The following KCND2 variants were observed in gnomAD, a reference collection of about 807,000 sequenced individuals.
KCND2 encodes the protein potassium voltage-gated channel subfamily D member 2.
In KCND2, 16 loss-of-function variants were observed where a neutral mutation model predicts 54.4. The ratio of observed to expected loss-of-function variants is 0.29; its 90% confidence interval spans 0.20 to 0.45. KCND2 has a LOEUF of 0.45. KCND2 is among the 20% of genes least tolerant of loss of function. KCND2 has a pLI of 1.00. For synonymous variants in KCND2, 317 were observed against 310.7 expected (o/e 1.02, Z -0.21); for missense variants, 486 against 824.2 (o/e 0.59, Z 5.02).
rs1245637804 is a variant in KCND2 at position 120,275,599 on chromosome 7, G to C, written c.967G>C (p.Glu323Gln). 1 of 1,613,058 alleles carries C rather than the reference G, an allele frequency of 6.2e-7. No homozygotes were observed. Among genetic ancestry groups the C allele is most frequent in the South Asian group, 1.1e-5 (1 of 91,066 alleles). ...LGYTLKSCAS[E>Q]LGFLLFSLTM... is the part of the protein sequence containing the mutation. ...GTACACACTGAAGAGTTGTGCCTCAGAATTGGGCTTCTTGCTTTTCTCGCT... is the reference window on the plus strand; with the variant it reads ...GTACACACTGAAGAGTTGTGCCTCACAATTGGGCTTCTTGCTTTTCTCGCT... Residue 323 changes from glutamate (E) to glutamine (Q), a missense_variant, in exon 1 of 6, where the codon GAA becomes CAA. This residue lies in a region of KCND2 where 12 missense variants were observed against 67.0 expected (regional missense o/e 0.18). Coordinates refer to ENST00000331113, the MANE Select transcript of KCND2 (RefSeq NM_012281.3).
At chr7:120,517,253 G>C (rs1584810188) in intron 1 of KCND2, among the ~76,000 whole-genome samples, 1 of 151,954 alleles carries the variant, frequency 6.6e-6, no homozygotes, top group African/African-American at 2.4e-5. Context: ...AGTTAAAACT[G>C]ATGAGAGTCA....
At chr7:120,307,042 G>A (rs1288609668) in intron 1 of KCND2, among the ~76,000 whole-genome samples, 2 of 152,012 alleles carry the variant, frequency 1.3e-5, no homozygotes, top group Non-Finnish European at 2.9e-5. Flanking sequence ...TTTGATTAAT[G>A]TAAAAGTTTA....
intron 1 of KCND2, among the ~76,000 whole-genome samples, chr7:120,276,302 G>T (rs1799173387): frequency 1.3e-5 from 2 of 152,064 alleles, no homozygotes; most frequent in Admixed American, 1.3e-4. Context: ...ATATTCATAT[G>T]TATGCACTTT....
At chr7:120,697,002 A>G (rs1792340594) in intron 1 of KCND2, among the ~76,000 whole-genome samples, 2 of 152,194 alleles carry the variant, frequency 1.3e-5, no homozygotes, top group Admixed American at 1.3e-4. Context: ...TAACGACATT[A>G]TCTTCTTTTT....
chr7:120,316,160 G>T (rs1056529167), intron 1 of KCND2, among the ~76,000 whole-genome samples: 3 of 152,076 alleles, frequency 2.0e-5, no homozygotes, highest in Non-Finnish European at 4.4e-5. Context: ...AAACCTAAAA[G>T]AAAAAACTAT....
At chr7:120,723,298 T>C (rs1792691830) in intron 1 of KCND2, among the ~76,000 whole-genome samples, 2 of 152,174 alleles carry the variant, frequency 1.3e-5, no homozygotes, top group African/African-American at 4.8e-5. Flanking sequence ...AAGACAAACA[T>C]GTCTCCCTCA....
At chr7:120,374,278 A>G (rs940115253) in intron 1 of KCND2, among the ~76,000 whole-genome samples, 5 of 151,920 alleles carry the variant, frequency 3.3e-5, no homozygotes, top group Middle Eastern at 3.4e-3. Flanking sequence ...TTTTTACCTC[A>G]TAGTAGATAT....
intron 1 of KCND2, among the ~76,000 whole-genome samples, chr7:120,639,460 G>T (rs925809187): frequency 6.6e-6 from 1 of 152,214 alleles, no homozygotes; most frequent in African/African-American, 2.4e-5. Context: ...TTTAAAATAT[G>T]GTACTCCCAG....
At position 120,721,960 on chromosome 7, in the gene KCND2, C is replaced by T. The variant is rs140397369; in HGVS notation, c.1116-10943C>T. Among the ~76,000 whole-genome samples, 4 of 152,246 alleles carry T rather than the reference C, an allele frequency of 2.6e-5. No individual in the cohort carries two copies. The East Asian group carries it at 7.7e-4, about 29-fold the overall frequency. ...GCTGATGATTTTATAAGGGGTTTCC[C>T]CTTTCACTTGGCCGTCACTCTCCCT... is the stretch of plus-strand genomic sequence containing the variant. On this transcript the variant is annotated intron_variant, in intron 1 of 5. Coordinates refer to ENST00000331113, the MANE Select transcript of KCND2 (RefSeq NM_012281.3).
Position 120,384,899 on chromosome 7 carries a change from G to T in KCND2, c.1115+109152G>T, listed in dbSNP as rs1800965651. Reference sequence around the variant, plus strand: ...TCTTATGGAAAAAAGATTGAGTTTCGGGAAGACGAGTTGTATTTTATAGTC... The same window carrying T: ...TCTTATGGAAAAAAGATTGAGTTTCTGGAAGACGAGTTGTATTTTATAGTC... On this transcript the variant is annotated intron_variant, in intron 1 of 5. Transcript: ENST00000331113. Among the ~76,000 whole-genome samples, 4 of 151,888 alleles carry T rather than the reference G, an allele frequency of 2.6e-5. No individual in the cohort carries two copies. The South Asian group carries it at 8.3e-4, about 32-fold the overall frequency.
At chr7:120,592,321 G>A (rs554033633) in intron 1 of KCND2, among the ~76,000 whole-genome samples, 115 of 152,286 alleles carry the variant, frequency 7.6e-4, no homozygotes, top group Non-Finnish European at 1.2e-3. Flanking sequence ...GGTGGAAGCC[G>A]GTGGCAGATC....
At chr7:120,318,068 G>T (rs568179438) in intron 1 of KCND2, among the ~76,000 whole-genome samples, 3 of 152,272 alleles carry the variant, frequency 2.0e-5, no homozygotes, top group Admixed American at 1.3e-4. Context: ...TGAAATGTTA[G>T]ATTTGAAAAG....
At chr7:120,420,048 T>C (rs2116131273) in intron 1 of KCND2, among the ~76,000 whole-genome samples, 1 of 151,662 alleles carries the variant, frequency 6.6e-6, no homozygotes, top group South Asian at 2.1e-4. Flanking sequence ...AGCTGTTCAG[T>C]TTTTCCATGA....
chr7:120,676,047 A>G (rs1460233826), intron 1 of KCND2, among the ~76,000 whole-genome samples: 1 of 152,000 alleles, frequency 6.6e-6, no homozygotes, highest in East Asian at 1.9e-4. Flanking sequence ...CATTTTGGCC[A>G]AGCTGGTCTT....
chr7:120,366,648 C>G (rs1800686222), intron 1 of KCND2, among the ~76,000 whole-genome samples: 1 of 152,086 alleles, frequency 6.6e-6, no homozygotes, highest in Admixed American at 6.6e-5. Context: ...CGCGTTCCTG[C>G]TGGAACCCAA....
chr7:120,718,688 A>G (rs1792632427), intron 1 of KCND2, among the ~76,000 whole-genome samples: 1 of 152,194 alleles, frequency 6.6e-6, no homozygotes, highest in Non-Finnish European at 1.5e-5. Flanking sequence ...GACATTATTT[A>G]CAGCACTTAA....
chr7:120,617,767 G>A (rs1285859799), intron 1 of KCND2, among the ~76,000 whole-genome samples: 3 of 152,080 alleles, frequency 2.0e-5, no homozygotes, highest in African/African-American at 7.2e-5. Flanking sequence ...ACAGTGGACT[G>A]GATAAAGAAA....
At chr7:120,453,966 C>G (rs1474629205) in intron 1 of KCND2, among the ~76,000 whole-genome samples, 1 of 152,128 alleles carries the variant, frequency 6.6e-6, no homozygotes, top group African/African-American at 2.4e-5. Flanking sequence ...TGCCTGTAGT[C>G]CCAGCTACTC....
intron 1 of KCND2, among the ~76,000 whole-genome samples, chr7:120,563,215 A>G (rs1792256802): frequency 6.6e-6 from 1 of 152,178 alleles, no homozygotes; most frequent in Admixed American, 6.5e-5. Context: ...CCTTTCCATT[A>G]TTATAAAGAA....
Sources: allele counts gnomAD v4.1 joint callset (sites outside exome capture counted in the v4.1 genomes callset), GRCh38; gene constraint gnomAD v4.1.1; regional missense constraint gnomAD v4.1.1; transcripts MANE v1.5; gene names NCBI Gene and HGNC (gene_info 2026-07-23, HGNC 2026-07-21).